Variants in WWOX observed in about 807,000 individuals in gnomAD.
WWOX encodes the protein WW domain-containing oxidoreductase.
A neutral mutation model predicts 46.2 loss-of-function variants in WWOX; 69 were observed. The observed-to-expected ratio is 1.49, with a 90% CI of 1.23 to 1.82. WWOX has a LOEUF of 1.82. WWOX is among the 40% of genes most tolerant of loss of function. WWOX has a pLI of 0.00. For missense variants in WWOX, 919 were observed against 542.6 expected (o/e 1.69, Z -6.89); for synonymous variants, 359 against 202.6 (o/e 1.77, Z -6.56).
intron 8 of WWOX, among the ~76,000 whole-genome samples, chr16:78,991,143 T>C (rs924251340): frequency 6.6e-6 from 1 of 152,192 alleles, no homozygotes; most frequent in East Asian, 1.9e-4. Context: ...ACTAAGTCAT[T>C]GATGGCACAT....
chr16:78,816,376 C>T (rs1328569359), intron 8 of WWOX, among the ~76,000 whole-genome samples: 1 of 151,858 alleles, frequency 6.6e-6, no homozygotes, highest in Non-Finnish European at 1.5e-5. Flanking sequence ...GTGTGTTCTT[C>T]AGTATTTGTG....
rs117471193 is a variant in WWOX, at chr16:78,424,605, A to G, written c.606-265A>G. On this transcript the variant is annotated intron_variant, in intron 6 of 8. Coordinates refer to ENST00000566780, the MANE Select transcript of WWOX (RefSeq NM_016373.4). ...TGCCTGCTGCTGTCCTGGTTTTCAC[A>G]CTGAAAGTTCCGTATCCTAATAAGC... Among the ~76,000 whole-genome samples the G allele has an allele frequency of 1.6e-3, 246 of 152,302 alleles. 4 individuals are homozygous for G. In the East Asian group the frequency reaches 0.034, roughly 21 times the overall value.
intron 8 of WWOX, among the ~76,000 whole-genome samples, chr16:79,069,374 A>C (rs1408747605): frequency 6.6e-6 from 1 of 152,172 alleles, no homozygotes; most frequent in African/African-American, 2.4e-5. Flanking sequence ...ACAAATTCAA[A>C]ACAGCTTTAT....
At position 78,306,393 on chromosome 16, in the gene WWOX, A is replaced by G. The variant is rs563756665; in HGVS notation, c.517-80467A>G. Among the ~76,000 whole-genome samples the G allele has an allele frequency of 3.0e-4, 46 of 152,230 alleles. No individual in the cohort carries two copies. In the East Asian group the frequency reaches 6.0e-3, roughly 20 times the overall value. On this transcript the variant is annotated intron_variant, in intron 5 of 8. Coordinates refer to ENST00000566780, the MANE Select transcript of WWOX (RefSeq NM_016373.4). ...GGATTTGCTGAAGATTTTCTTTCCC[A>G]TGTGGCAGTAGATATTTCAGAACCC...
At chr16:78,839,893 C>G (rs1044876681) in intron 8 of WWOX, among the ~76,000 whole-genome samples, 17 of 152,144 alleles carry the variant, frequency 1.1e-4, no homozygotes, top group African/African-American at 4.1e-4. Context: ...CTAGCGAAGC[C>G]TTCAGGCAGG....
At chr16:78,907,174 G>A (rs1307043476) in intron 8 of WWOX, among the ~76,000 whole-genome samples, 2 of 152,080 alleles carry the variant, frequency 1.3e-5, no homozygotes, top group African/African-American at 4.8e-5. Flanking sequence ...CTGCTGATGG[G>A]CTGTGGATGC....
chr16:78,506,996 G>A (rs947170721), intron 8 of WWOX, among the ~76,000 whole-genome samples: 4 of 152,094 alleles, frequency 2.6e-5, no homozygotes, highest in African/African-American at 9.7e-5. Flanking sequence ...TCACAGGCGT[G>A]AGCCACCGTG....
At chr16:79,143,215 G>T (rs570835256) in intron 8 of WWOX, among the ~76,000 whole-genome samples, 39 of 152,246 alleles carry the variant, frequency 2.6e-4, no homozygotes, top group African/African-American at 9.4e-4. Flanking sequence ...CAATCCTATT[G>T]TCTTTCCCTG....
intron 8 of WWOX, among the ~76,000 whole-genome samples, chr16:79,210,085 TCAAG>T (rs971358129): frequency 8.5e-5 from 13 of 152,186 alleles, no homozygotes; most frequent in African/African-American, 2.9e-4. Context: ...TCCAGTATCA[TCAAG>T]CAGCCAGTTA....
chr16:79,027,082 C>G (rs1232735799), intron 8 of WWOX, among the ~76,000 whole-genome samples: 1 of 151,404 alleles, frequency 6.6e-6, no homozygotes, highest in Non-Finnish European at 1.5e-5. Context: ...CAGTTCAAGA[C>G]CAGCCTTGGC....
chr16:78,809,665 G>C (rs1194500718), intron 8 of WWOX, among the ~76,000 whole-genome samples: 1 of 152,130 alleles, frequency 6.6e-6, no homozygotes, highest in Admixed American at 6.6e-5. Context: ...CCTGTTTCCA[G>C]ATGCCTTCTA....
At chr16:78,717,854 C>G (rs934445810) in intron 8 of WWOX, among the ~76,000 whole-genome samples, 1 of 152,160 alleles carries the variant, frequency 6.6e-6, no homozygotes, top group Admixed American at 6.5e-5. Flanking sequence ...GTCTTTCCCA[C>G]CTGTTTGGTG....
intron 8 of WWOX, among the ~76,000 whole-genome samples, chr16:78,829,049 C>T (rs537240448): frequency 6.6e-6 from 1 of 152,172 alleles, no homozygotes; most frequent in South Asian, 2.1e-4. Flanking sequence ...TTCTAAACAT[C>T]ATAAGCAGAA....
intron 8 of WWOX, among the ~76,000 whole-genome samples, chr16:78,928,692 A>G (rs1212583039): frequency 1.3e-5 from 2 of 152,220 alleles, no homozygotes; most frequent in African/African-American, 4.8e-5. Context: ...AGAAAATGTG[A>G]TCAGTTGGTA....
intron 8 of WWOX, among the ~76,000 whole-genome samples, chr16:78,707,442 ATCT>A (rs944600566): frequency 3.9e-5 from 6 of 152,210 alleles, no homozygotes; most frequent in African/African-American, 1.2e-4. Flanking sequence ...GGTTCTGGAC[ATCT>A]TCTTGGGCTA....
At chr16:78,232,175 C>G (rs2037292400) in intron 5 of WWOX, among the ~76,000 whole-genome samples, 1 of 152,020 alleles carries the variant, frequency 6.6e-6, no homozygotes, top group African/African-American at 2.4e-5. Flanking sequence ...GAATCACTTT[C>G]CTTAAAATTG....
chr16:78,595,379 C>T (rs1177244438), intron 8 of WWOX, among the ~76,000 whole-genome samples: 7 of 134,574 alleles, frequency 5.2e-5, no homozygotes, highest in Admixed American at 4.9e-4. Context: ...CAACCCTCCC[C>T]GCTGACAGCC....
chr16:78,537,129 C>T (rs1336358616), intron 8 of WWOX, among the ~76,000 whole-genome samples: 1 of 151,972 alleles, frequency 6.6e-6, no homozygotes. Context: ...GTTGTCCAGG[C>T]TGGTCTTGAA....
intron 6 of WWOX, among the ~76,000 whole-genome samples, chr16:78,389,496 C>T (rs1010345532): frequency 2.0e-5 from 3 of 152,112 alleles, no homozygotes; most frequent in African/African-American, 7.2e-5. Flanking sequence ...AGAACAGCAG[C>T]GGAGTCAGCA....
Sources: gnomAD v4.1 joint callset for allele counts (sites outside exome capture counted in the v4.1 genomes callset) on GRCh38, gnomAD v4.1.1 for gene constraint, MANE v1.5 for transcripts, NCBI Gene and HGNC (gene_info 2026-07-23, HGNC 2026-07-21) for gene names.